Variants in DOCK4 observed in about 807,000 individuals in gnomAD.
DOCK4 encodes the protein dedicator of cytokinesis 4.
In DOCK4, 97 loss-of-function variants were observed where a neutral mutation model predicts 268.1. The ratio of observed to expected loss-of-function variants is 0.36; its 90% CI spans 0.31 to 0.43. DOCK4 has a LOEUF of 0.43. Ranked by LOEUF, DOCK4 falls within the 20% of genes least tolerant of loss-of-function variation. The pLI is 1.00. For synonymous variants in DOCK4, 954 were observed against 887.2 expected (o/e 1.08, Z -1.34); for missense variants, 2,145 against 2,455.7 (o/e 0.87, Z 2.67).
intron 1 of DOCK4, among the ~76,000 whole-genome samples, chr7:112,154,112 C>T (rs747481993): frequency 1.3e-5 from 2 of 151,990 alleles, no homozygotes; most frequent in Non-Finnish European, 2.9e-5. Flanking sequence ...GCTGGGACCA[C>T]GAGCATTTGC....
intron 1 of DOCK4, among the ~76,000 whole-genome samples, chr7:112,040,800 C>T (rs956682546): frequency 2.6e-5 from 4 of 151,948 alleles, no homozygotes; most frequent in Admixed American, 1.3e-4. Flanking sequence ...ATAGTTCATG[C>T]AGTATTACTC....
intron 1 of DOCK4, among the ~76,000 whole-genome samples, chr7:112,146,357 T>C (rs997285229): frequency 2.0e-5 from 3 of 152,204 alleles, no homozygotes; most frequent in African/African-American, 7.2e-5. Flanking sequence ...CCCTCCTTCC[T>C]GGTCACTGTG....
chr7:111,783,282 GT>G (rs1278940204), intron 34 of DOCK4, among the ~76,000 whole-genome samples: 2 of 152,114 alleles, frequency 1.3e-5, no homozygotes, highest in African/African-American at 4.8e-5. Flanking sequence ...GAAGTGGCTG[GT>G]AAGCCTGGCC....
intron 8 of DOCK4, among the ~76,000 whole-genome samples, chr7:111,953,332 G>A (rs982544673): frequency 6.6e-6 from 1 of 152,144 alleles, no homozygotes; most frequent in African/African-American, 2.4e-5. Flanking sequence ...ATGGACGAAG[G>A]AATAATGAGA....
At chr7:111,952,046 C>T (rs1796093108) in intron 8 of DOCK4, among the ~76,000 whole-genome samples, 1 of 150,554 alleles carries the variant, frequency 6.6e-6, no homozygotes, top group South Asian at 2.1e-4. Flanking sequence ...TTACTTGAGC[C>T]TAGAGGTCAA....
At chr7:112,048,274 G>A (rs1004400088) in intron 1 of DOCK4, among the ~76,000 whole-genome samples, 2 of 151,794 alleles carry the variant, frequency 1.3e-5, no homozygotes, top group South Asian at 4.2e-4. Flanking sequence ...GAGAAAGGCT[G>A]GACGTGGTGG....
chr7:111,960,364 A>AG (rs1422776023), intron 8 of DOCK4, among the ~76,000 whole-genome samples: 1 of 126,684 alleles, frequency 7.9e-6, no homozygotes, highest in African/African-American at 3.7e-5. Context: ...GCTCTGTCTT[A>AG]AAAAAAAAAA....
At position 111,728,992 on chromosome 7, in the gene DOCK4, T is replaced by C. The variant is rs576738492; in HGVS notation, c.5482-272A>G. On this transcript the variant is annotated intron_variant, in intron 52 of 52. Transcript: ENST00000428084. ...CACAGACCTTGCAGGAAGGGCGGTCTGCAAGCCCAGGAGGGAGGCCTCGGG... is the reference window on the plus strand; with the variant it reads ...CACAGACCTTGCAGGAAGGGCGGTCCGCAAGCCCAGGAGGGAGGCCTCGGG... 1.7e-3 allele frequency among the ~76,000 whole-genome samples: 255 copies of C among 152,284 alleles called. 1 individual carries two copies. The highest frequency in any genetic ancestry group is 1.6e-3 in the Non-Finnish European group (109 of 68,010).
intron 23 of DOCK4, among the ~76,000 whole-genome samples, chr7:111,851,321 G>C (rs1405319167): frequency 6.6e-6 from 1 of 151,810 alleles, no homozygotes; most frequent in Non-Finnish European, 1.5e-5. Context: ...GCACGCGCCT[G>C]TAAGTCCCAG....
intron 1 of DOCK4, among the ~76,000 whole-genome samples, chr7:112,179,830 A>G (rs1057429712): frequency 1.3e-5 from 2 of 152,176 alleles, no homozygotes; most frequent in Non-Finnish European, 2.9e-5. Flanking sequence ...CACACCTCAA[A>G]GGTATGATGA....
intron 1 of DOCK4, among the ~76,000 whole-genome samples, chr7:112,082,043 C>T (rs1808635480): frequency 8.8e-6 from 1 of 113,166 alleles, no homozygotes; most frequent in African/African-American, 5.4e-5. Flanking sequence ...AGTACCTACG[C>T]TGGAGAGGCG....
intron 42 of DOCK4, among the ~76,000 whole-genome samples, chr7:111,751,115 G>A (rs970256200): frequency 7.2e-5 from 11 of 152,034 alleles, no homozygotes; most frequent in African/African-American, 2.4e-4. Context: ...ACACACACAC[G>A]ACAACCAGTA....
chr7:111,843,807 T>C (rs1477639644), intron 25 of DOCK4, among the ~76,000 whole-genome samples: 1 of 152,218 alleles, frequency 6.6e-6, no homozygotes, highest in Non-Finnish European at 1.5e-5. Context: ...TGCAGGTGGC[T>C]TGATGTTATA....
intron 27 of DOCK4, among the ~76,000 whole-genome samples, chr7:111,818,362 T>C (rs761879780): frequency 2.0e-5 from 3 of 152,206 alleles, no homozygotes; most frequent in Non-Finnish European, 2.9e-5. Flanking sequence ...CTCAAACTTA[T>C]GTTCAACATG....
At position 112,004,058 on chromosome 7, in the gene DOCK4, C is replaced by T; in HGVS notation, c.111G>A (p.Glu37=). 4.4e-6 allele frequency: 7 copies of T among 1,602,412 alleles called. No homozygotes were observed. The highest frequency in any genetic ancestry group is 6.0e-6 in the Non-Finnish European group (7 of 1,174,130). The part of the protein sequence containing the change: ...LEIGDTVQIL[E]KCDGWYRGFA... ...CATAAGGCTACTCACCATCACACTTCTCCAGGATCTGAACTGTATCTCCAA... is the reference window on the plus strand; with the variant it reads ...CATAAGGCTACTCACCATCACACTTTTCCAGGATCTGAACTGTATCTCCAA... Residue 37 remains glutamate (E), a synonymous_variant, in exon 2 of 53, where the codon GAG becomes GAA. Transcript: ENST00000428084.
chr7:111,931,938 A>G (rs926780956), intron 12 of DOCK4, among the ~76,000 whole-genome samples: 3 of 152,162 alleles, frequency 2.0e-5, no homozygotes, highest in Non-Finnish European at 4.4e-5. Context: ...ATACTACACT[A>G]TACTCTCTAA....
At chr7:112,015,331 C>T (rs1801723886) in intron 1 of DOCK4, among the ~76,000 whole-genome samples, 1 of 152,208 alleles carries the variant, frequency 6.6e-6, no homozygotes, top group African/African-American at 2.4e-5. Context: ...CTGGGAATTG[C>T]CCATCCCTTT....
intron 8 of DOCK4, chr7:111,972,127 C>T (rs1797761532): frequency 6.6e-6 from 1 of 152,338 alleles, no homozygotes; most frequent in East Asian, 1.9e-4. Context: ...TCAGTATTAC[C>T]ATTATCAAGA....
chr7:112,023,054 A>T (rs537948309), intron 1 of DOCK4, among the ~76,000 whole-genome samples: 29 of 152,122 alleles, frequency 1.9e-4, no homozygotes, highest in Admixed American at 5.2e-4. Flanking sequence ...TTGCCTCCCG[A>T]GTAGCTGGGA....
Sources: allele counts gnomAD v4.1 joint callset (sites outside exome capture counted in the v4.1 genomes callset), GRCh38; gene constraint gnomAD v4.1.1; transcripts MANE v1.5; gene names NCBI Gene and HGNC (gene_info 2026-07-23, HGNC 2026-07-21).